FIP1L1: variants seen among roughly 807,000 people sequenced by gnomAD.
FIP1L1 encodes the protein pre-mRNA 3'-end-processing factor FIP1.
A neutral mutation model predicts 84.6 loss-of-function variants in FIP1L1; 21 were observed. That is an observed-to-expected ratio of 0.25 (90% CI 0.18 to 0.36). The LOEUF (loss-of-function observed/expected upper bound fraction) is 0.36. Among genes scored for constraint, FIP1L1 ranks in the 10% least tolerant of loss-of-function variants. FIP1L1 has a pLI of 1.00. For missense variants in FIP1L1, 526 were observed against 751.1 expected (o/e 0.70, Z 3.50); for synonymous variants, 263 against 242.3 (o/e 1.09, Z -0.80).
chr4:53,408,917 T>C (rs1755424774), intron 10 of FIP1L1, among the ~76,000 whole-genome samples: 1 of 136,412 alleles, frequency 7.3e-6, no homozygotes, highest in Non-Finnish European at 1.6e-5. Flanking sequence ...TCAAAGTTTT[T>C]AACTTCTTTG....
At chr4:53,443,061 A>C (rs1177662185) in intron 14 of FIP1L1, among the ~76,000 whole-genome samples, 1 of 152,122 alleles carries the variant, frequency 6.6e-6, no homozygotes, top group Non-Finnish European at 1.5e-5. Context: ...TTTTGGGATA[A>C]AGTAGGGAAA....
intron 13 of FIP1L1, among the ~76,000 whole-genome samples, chr4:53,433,620 T>C (rs1367268001): frequency 6.6e-6 from 1 of 152,158 alleles, no homozygotes; most frequent in Admixed American, 6.5e-5. Context: ...ACTAGTTCTG[T>C]GGGTCTTGGG....
intron 13 of FIP1L1, chr4:53,440,951 GAAAGAT>G (rs1771623987): frequency 5.6e-6 from 1 of 178,150 alleles, no homozygotes; most frequent in Admixed American, 5.9e-5. Flanking sequence ...TAAGAGAAGA[GAAAGAT>G]AATTTATTTT....
At position 53,391,410 on chromosome 4, in the gene FIP1L1, G is replaced by A. The variant is rs751271454; in HGVS notation, c.637-20G>A. On this transcript the variant is annotated intron_variant, in intron 8 of 17. Coordinates refer to ENST00000337488, the MANE Select transcript of FIP1L1 (RefSeq NM_030917.4). ...AAATATTATGTGGTATCTTAATGGG[G>A]AATATGTTATTTAACTTAGGCCGAA... 5 of 1,598,378 alleles carry A rather than the reference G, an allele frequency of 3.1e-6. No individual in the cohort carries two copies. The highest frequency in any genetic ancestry group is 1.7e-5 in the Admixed American group (1 of 59,940).
chr4:53,409,513 C>G (rs904400493), intron 10 of FIP1L1, among the ~76,000 whole-genome samples: 11 of 152,218 alleles, frequency 7.2e-5, no homozygotes, highest in Non-Finnish European at 1.5e-5. Flanking sequence ...GGGAGAACCA[C>G]TGCTCTCTTC....
intron 10 of FIP1L1, among the ~76,000 whole-genome samples, chr4:53,411,157 G>A (rs1438625719): frequency 6.6e-6 from 1 of 152,158 alleles, no homozygotes; most frequent in African/African-American, 2.4e-5. Flanking sequence ...AAAAAGGGAT[G>A]AAGGGGACAG....
chr4:53,437,355 AG>A (rs1769822531), intron 13 of FIP1L1, among the ~76,000 whole-genome samples: 1 of 138,080 alleles, frequency 7.2e-6, no homozygotes, highest in Non-Finnish European at 1.6e-5. Context: ...AAAAAAAAAG[AG>A]AGAGAAATCA....
At chr4:53,432,670 C>G (rs1477479258) in intron 13 of FIP1L1, among the ~76,000 whole-genome samples, 1 of 152,080 alleles carries the variant, frequency 6.6e-6, no homozygotes, top group African/African-American at 2.4e-5. Flanking sequence ...TGAACAATAT[C>G]TGAAGTAGAT....
At chr4:53,446,939 TTTTTTG>T (rs962427989) in intron 15 of FIP1L1, among the ~76,000 whole-genome samples, 26 of 152,146 alleles carry the variant, frequency 1.7e-4, no homozygotes, top group East Asian at 5.8e-4. Context: ...AGAGACAAGG[TTTTTTG>T]TTTTTGTTTT....
At chr4:53,456,996 A>C (rs1190176432) in intron 16 of FIP1L1, among the ~76,000 whole-genome samples, 1 of 152,126 alleles carries the variant, frequency 6.6e-6, no homozygotes, top group Non-Finnish European at 1.5e-5. Context: ...GAAGTTAACT[A>C]TATTTATTTC....
intron 9 of FIP1L1, among the ~76,000 whole-genome samples, chr4:53,395,478 G>T (rs190287415): frequency 5.9e-5 from 9 of 152,210 alleles, no homozygotes; most frequent in Admixed American, 2.0e-4. Flanking sequence ...CTTAGGCTTT[G>T]GGGGGAAGGG....
chr4:53,430,636 C>T (rs542937519), intron 13 of FIP1L1, among the ~76,000 whole-genome samples: 3 of 152,178 alleles, frequency 2.0e-5, no homozygotes, highest in South Asian at 4.2e-4. Flanking sequence ...TACCCCTGAC[C>T]ATTTCTTTTT....
chr4:53,381,497 C>T (rs1163400549), intron 3 of FIP1L1, among the ~76,000 whole-genome samples: 2 of 152,078 alleles, frequency 1.3e-5, no homozygotes, highest in African/African-American at 4.8e-5. Flanking sequence ...ATGTACTGAA[C>T]AATTATAGCT....
rs1442257249 is a variant in FIP1L1, at chr4:53,414,663, C to T, written c.864C>T (p.Ala288=). 6.2e-6 allele frequency: 10 copies of T among 1,613,466 alleles called. No individual in the cohort carries two copies. The highest frequency in any genetic ancestry group is 7.6e-6 in the Non-Finnish European group (9 of 1,179,566). The change falls in exon 11 of 18, where the codon GCC becomes GCT. Residue 288 remains alanine, a synonymous_variant. Coordinates refer to ENST00000337488, the MANE Select transcript of FIP1L1 (RefSeq NM_030917.4). The part of the protein sequence containing the change: ...QSQTSTASRK[A]NSSVGKWQDR... ...AGACAAGTACTGCCTCCAGAAAAGC[C>T]AATTCAAGCGTTGGGAAGTGGCAGG...
intron 10 of FIP1L1, among the ~76,000 whole-genome samples, chr4:53,408,006 C>G (rs1323822060): frequency 6.6e-6 from 1 of 152,086 alleles, no homozygotes; most frequent in African/African-American, 2.4e-5. Context: ...TTAAAGCTAA[C>G]ATTGTTATGT....
intron 11 of FIP1L1, among the ~76,000 whole-genome samples, chr4:53,418,310 A>C (rs906218544): frequency 6.6e-6 from 1 of 152,124 alleles, no homozygotes; most frequent in African/African-American, 2.4e-5. Context: ...CATAAATAAC[A>C]GTTATTATAT....
intron 10 of FIP1L1, among the ~76,000 whole-genome samples, chr4:53,413,247 C>T (rs1757984419): frequency 6.6e-6 from 1 of 151,870 alleles, no homozygotes; most frequent in Non-Finnish European, 1.5e-5. Flanking sequence ...TCCTTAGAAG[C>T]AGCCATTTTC....
At chr4:53,440,452 TCTC>T (rs1579007351) in intron 13 of FIP1L1, 2 of 580,812 alleles carry the variant, frequency 3.4e-6, no homozygotes, top group African/African-American at 3.9e-5. Context: ...ACAGAATGGT[TCTC>T]TTGAGTGAAT....
At chr4:53,427,140 C>T (rs1764651635) in intron 12 of FIP1L1, among the ~76,000 whole-genome samples, 1 of 152,112 alleles carries the variant, frequency 6.6e-6, no homozygotes, top group South Asian at 2.1e-4. Context: ...TAAGAAATAG[C>T]TTATCAGCAT....
Sources: gnomAD v4.1 joint callset for allele counts (sites outside exome capture counted in the v4.1 genomes callset) on GRCh38, gnomAD v4.1.1 for gene constraint, MANE v1.5 for transcripts, NCBI Gene and HGNC (gene_info 2026-07-23, HGNC 2026-07-21) for gene names.